The following CMSS1 variants were observed in gnomAD, a reference collection of about 807,000 sequenced individuals.
CMSS1 encodes cms1 ribosomal small subunit homolog.
In CMSS1, 33 loss-of-function variants were observed where a neutral mutation model predicts 43.5. The observed-to-expected ratio is 0.76, with a 90% CI of 0.57 to 1.01. The LOEUF (loss-of-function observed/expected upper bound fraction) is 1.01. Among genes scored for constraint, CMSS1 ranks in the 50% least tolerant of loss-of-function variants. The pLI is 0.00. For synonymous variants in CMSS1, 115 were observed against 117.2 expected (o/e 0.98, Z 0.12); for missense variants, 313 against 326.4 (o/e 0.96, Z 0.32).
intron 1 of CMSS1, among the ~76,000 whole-genome samples, chr3:99,971,114 G>A (rs1469600417): frequency 6.6e-6 from 1 of 152,138 alleles, no homozygotes; most frequent in East Asian, 1.9e-4. Flanking sequence ...AAGGCGGGCG[G>A]ATCACTAGGT....
intron 1 of CMSS1, among the ~76,000 whole-genome samples, chr3:100,021,055 A>G (rs2064806966): frequency 1.3e-5 from 2 of 152,096 alleles, no homozygotes; most frequent in South Asian, 4.1e-4. Context: ...GTGAGCCACC[A>G]CGCCTAGCCT....
chr3:100,068,784 T>A (rs1187611087), intron 1 of CMSS1, among the ~76,000 whole-genome samples: 1 of 152,170 alleles, frequency 6.6e-6, no homozygotes, highest in Non-Finnish European at 1.5e-5. Context: ...CCCACCACCA[T>A]GCCCAGCTAA....
At chr3:100,139,529 A>ATGTGTGTG (rs201315535) in intron 1 of CMSS1, among the ~76,000 whole-genome samples, 492 of 129,348 alleles carry the variant, frequency 3.8e-3, no homozygotes, top group Non-Finnish European at 5.4e-3. Context: ...TAAAAAAAAA[A>ATGTGTGTG]TGTGTGTGTG....
chr3:100,095,257 T>C (rs1045468326), intron 1 of CMSS1, among the ~76,000 whole-genome samples: 2 of 152,230 alleles, frequency 1.3e-5, no homozygotes, highest in African/African-American at 2.4e-5. Context: ...ATCTTGCCTA[T>C]ATCTACAAAA....
chr3:99,988,617 A>G (rs1709424872), intron 1 of CMSS1, among the ~76,000 whole-genome samples: 1 of 151,976 alleles, frequency 6.6e-6, no homozygotes, highest in African/African-American at 2.4e-5. Context: ...TTTAAAGACC[A>G]TTTCCAAAGT....
In CMSS1 at chr3:100,114,923, T is replaced by A; in HGVS notation, c.65-32050T>A. 3 of 1,530,152 alleles carry A rather than the reference T, an allele frequency of 2.0e-6. No homozygotes were observed. In the South Asian group the frequency reaches 3.6e-5, roughly 18 times the overall value. The allele number at this position is 1,530,152 out of a possible 1,614,324, so 94.8% of individuals were successfully genotyped here. A position where few individuals can be genotyped will look rare whatever the true frequency, so the allele number is the denominator to read the frequency against. On this transcript the variant is annotated intron_variant, in intron 1 of 9. Transcript: ENST00000421999. The stretch of plus-strand genomic sequence containing the variant: ...TTGGACTCAAACTTGAATGCCTGCC[T>A]GTTCCATTTAGTGTCACAGGAGACA...
intron 8 of CMSS1, among the ~76,000 whole-genome samples, chr3:100,175,587 GA>G (rs2067141865): frequency 6.6e-6 from 1 of 152,150 alleles, no homozygotes. Context: ...GGGCAAAGAG[GA>G]AAATATTTAA....
intron 1 of CMSS1, among the ~76,000 whole-genome samples, chr3:100,105,790 T>C (rs1381609224): frequency 1.3e-5 from 2 of 152,186 alleles, no homozygotes; most frequent in African/African-American, 2.4e-5. Flanking sequence ...TCACTCTTCC[T>C]TCTCCAAATA....
intron 1 of CMSS1, among the ~76,000 whole-genome samples, chr3:99,835,123 TTCCTC>T (rs372010749): frequency 1.3e-5 from 2 of 152,348 alleles, no homozygotes; most frequent in Non-Finnish European, 2.9e-5. Flanking sequence ...TCTCTCAACT[TTCCTC>T]TCTCTCCAAT....
intron 1 of CMSS1, among the ~76,000 whole-genome samples, chr3:99,988,232 T>G (rs573335358): frequency 6.6e-6 from 1 of 150,706 alleles, no homozygotes; most frequent in Non-Finnish European, 1.5e-5. Flanking sequence ...GCGCAGTGCC[T>G]CACGCCTGTA....
At chr3:100,068,691 G>A (rs1434333434) in intron 1 of CMSS1, among the ~76,000 whole-genome samples, 1 of 152,040 alleles carries the variant, frequency 6.6e-6, no homozygotes, top group Non-Finnish European at 1.5e-5. Context: ...GCAGTTGCAC[G>A]ATCTCGGCTT....
At chr3:100,085,688 A>G (rs898598236) in intron 1 of CMSS1, among the ~76,000 whole-genome samples, 4 of 152,152 alleles carry the variant, frequency 2.6e-5, no homozygotes. Context: ...ATGTTTCTGA[A>G]GTACTCTTCA....
At chr3:99,983,476 A>ATG (rs1709224411) in intron 1 of CMSS1, among the ~76,000 whole-genome samples, 8 of 16,684 alleles carry the variant, frequency 4.8e-4, no homozygotes, top group African/African-American at 1.8e-3. Flanking sequence ...ATATATATAT[A>ATG]TATATATATA....
chr3:99,847,067 A>G (rs141476959), intron 1 of CMSS1, among the ~76,000 whole-genome samples: 112 of 152,300 alleles, frequency 7.4e-4, no homozygotes, highest in African/African-American at 2.4e-3. Context: ...TCTCATCTAT[A>G]TTGTAAATGG....
intron 1 of CMSS1, chr3:99,929,795 C>T (rs1707417549): frequency 8.0e-7 from 1 of 1,252,626 alleles, no homozygotes; most frequent in South Asian, 1.5e-5. Flanking sequence ...ACAGATCATG[C>T]TCATCTGCAG....
At chr3:99,823,912 GCTTT>G (rs995138116) in intron 1 of CMSS1, among the ~76,000 whole-genome samples, 13 of 150,980 alleles carry the variant, frequency 8.6e-5, no homozygotes, top group South Asian at 2.1e-4. Context: ...TGATTGGCTG[GCTTT>G]CTTTCTTTCT....
At position 99,938,225 on chromosome 3, in the gene CMSS1, C is replaced by T. The variant is rs1276948786; in HGVS notation, c.64+120182C>T. On this transcript the variant is annotated intron_variant, in intron 1 of 9. Transcript: ENST00000421999. ...TGATCTGCTATCCCTCACCCCCAGCCCTCTCACAGACACCCTCACATGCAT... is the reference window on the plus strand; with the variant it reads ...TGATCTGCTATCCCTCACCCCCAGCTCTCTCACAGACACCCTCACATGCAT... Among the ~76,000 whole-genome samples, 5 of 152,294 alleles carry T rather than the reference C, an allele frequency of 3.3e-5. No individual in the cohort carries two copies. In the South Asian group the frequency reaches 1.0e-3, roughly 32 times the overall value.
At chr3:99,976,877 C>G (rs1400179042) in intron 1 of CMSS1, among the ~76,000 whole-genome samples, 2 of 152,088 alleles carry the variant, frequency 1.3e-5, no homozygotes, top group Non-Finnish European at 2.9e-5. Flanking sequence ...CTCTGGCTTC[C>G]TACCTTGCCC....
intron 1 of CMSS1, among the ~76,000 whole-genome samples, chr3:100,081,273 A>G (rs553468629): frequency 6.6e-6 from 1 of 152,300 alleles, no homozygotes; most frequent in East Asian, 1.9e-4. Flanking sequence ...TTTGTCAGCA[A>G]TAAAAATGGA....
Sources: gnomAD v4.1 joint callset for allele counts (sites outside exome capture counted in the v4.1 genomes callset) on GRCh38, gnomAD v4.1.1 for gene constraint, MANE v1.5 for transcripts, NCBI Gene and HGNC (gene_info 2026-07-23, HGNC 2026-07-21) for gene names.